The following ENTREP2 variants were observed in gnomAD, a reference collection of about 807,000 sequenced individuals.
ENTREP2 encodes the protein endosomal transmembrane epsin interactor 2.
chr15:29,362,788 G>A, the ENTREP2 span, among the ~76,000 whole-genome samples: 1 of 152,168 alleles, frequency 6.6e-6, no homozygotes, highest in Non-Finnish European at 1.5e-5. Context: ...ACTTCCAAGT[G>A]AAGTGACTTA....
the ENTREP2 span, among the ~76,000 whole-genome samples, chr15:29,633,332 T>C: frequency 6.6e-6 from 1 of 152,204 alleles, no homozygotes; most frequent in Admixed American, 6.5e-5. Context: ...GGAGGAAATA[T>C]TGATTCCAAC....
chr15:29,172,961 T>TA, the ENTREP2 span, among the ~76,000 whole-genome samples: 1 of 152,166 alleles, frequency 6.6e-6, no homozygotes, highest in East Asian at 1.9e-4. Context: ...CCACCAGTGA[T>TA]AAAATCTCCG....
chr15:29,564,807 G>C, the ENTREP2 span, among the ~76,000 whole-genome samples: 1 of 152,158 alleles, frequency 6.6e-6, no homozygotes, highest in Non-Finnish European at 1.5e-5. Context: ...ACCCAGTCCT[G>C]GGAATAAAGG....
chr15:29,131,585 C>CAT, the ENTREP2 span, among the ~76,000 whole-genome samples: 1 of 75,704 alleles, frequency 1.3e-5, no homozygotes, highest in Non-Finnish European at 2.7e-5. Context: ...TTCACCTGCA[C>CAT]CACCTCCCCC....
chr15:29,632,897 G>A, the ENTREP2 span, among the ~76,000 whole-genome samples: 2 of 152,210 alleles, frequency 1.3e-5, no homozygotes, highest in African/African-American at 4.8e-5. Flanking sequence ...CAGTCTTGCA[G>A]GGGGTACAGG....
At chr15:29,224,697 A>G in the ENTREP2 span, among the ~76,000 whole-genome samples, 459 of 152,320 alleles carry the variant, frequency 3.0e-3, 3 homozygotes, top group African/African-American at 0.011. Context: ...AGGTTCTCCA[A>G]GTCCCCACCA....
chr15:29,229,418 A>ATTG, the ENTREP2 span, among the ~76,000 whole-genome samples: 3 of 152,134 alleles, frequency 2.0e-5, no homozygotes, highest in Non-Finnish European at 4.4e-5. Flanking sequence ...ACCTGACATT[A>ATTG]TCTTTGCTCT....
chr15:29,170,022 T>C, the ENTREP2 span, among the ~76,000 whole-genome samples: 1 of 152,084 alleles, frequency 6.6e-6, no homozygotes, highest in Non-Finnish European at 1.5e-5. Context: ...AAAATCAATA[T>C]GCAGGCCGGG....
the ENTREP2 span, among the ~76,000 whole-genome samples, chr15:29,669,859 A>G: frequency 2.0e-5 from 3 of 152,198 alleles, no homozygotes; most frequent in Non-Finnish European, 2.9e-5. Flanking sequence ...TAAATAACGA[A>G]GCATTAGCTG....
the ENTREP2 span, among the ~76,000 whole-genome samples, chr15:29,489,544 T>A: frequency 6.6e-6 from 1 of 152,238 alleles, no homozygotes; most frequent in African/African-American, 2.4e-5. Flanking sequence ...GTCCAAAAAC[T>A]ATTTTAATTG....
chr15:29,496,511 A>C, the ENTREP2 span, among the ~76,000 whole-genome samples: 1 of 152,116 alleles, frequency 6.6e-6, no homozygotes, highest in African/African-American at 2.4e-5. Flanking sequence ...GATTTTAGAG[A>C]AAAAGCTCTC....
chr15:29,635,090 G>A, the ENTREP2 span, among the ~76,000 whole-genome samples: 7 of 152,142 alleles, frequency 4.6e-5, no homozygotes, highest in East Asian at 3.9e-4. Context: ...TGATCTGCCC[G>A]CCTCGGCCTC....
chr15:29,223,379 T>C, the ENTREP2 span, among the ~76,000 whole-genome samples: 1 of 152,118 alleles, frequency 6.6e-6, no homozygotes, highest in Non-Finnish European at 1.5e-5. Flanking sequence ...TTTCTTCCTC[T>C]CTGCAAAGAA....
the ENTREP2 span, among the ~76,000 whole-genome samples, chr15:29,440,966 C>T: frequency 6.6e-6 from 1 of 152,342 alleles, no homozygotes; most frequent in Admixed American, 6.5e-5. Context: ...AATTCCACTT[C>T]TGGGTATATA....
chr15:29,542,953 A>G, the ENTREP2 span, among the ~76,000 whole-genome samples: 2 of 152,158 alleles, frequency 1.3e-5, no homozygotes, highest in East Asian at 3.9e-4. Context: ...GAGAGACCCC[A>G]TTTTATTGAT....
At chr15:29,625,941 C>T in the ENTREP2 span, among the ~76,000 whole-genome samples, 1 of 151,834 alleles carries the variant, frequency 6.6e-6, no homozygotes, top group Admixed American at 6.6e-5. Flanking sequence ...CCGCCTCCCT[C>T]GTTCAAGTGA....
chr15:29,516,317 C>T, the ENTREP2 span, among the ~76,000 whole-genome samples: 2 of 152,056 alleles, frequency 1.3e-5, no homozygotes, highest in Non-Finnish European at 2.9e-5. Flanking sequence ...AAATGGCAAA[C>T]GCTAAGGTTT....
chr15:29,611,445 T>C, the ENTREP2 span, among the ~76,000 whole-genome samples: 4 of 151,996 alleles, frequency 2.6e-5, no homozygotes, highest in Non-Finnish European at 5.9e-5. Flanking sequence ...TGACACAGAT[T>C]TTCCCATCAT....
chr15:29,433,696 G>T, the ENTREP2 span, among the ~76,000 whole-genome samples: 1 of 151,196 alleles, frequency 6.6e-6, no homozygotes, highest in Non-Finnish European at 1.5e-5. Flanking sequence ...AGTAGGGGAA[G>T]CCTCCCCAGA....
Sources: allele counts gnomAD v4.1 joint callset (sites outside exome capture counted in the v4.1 genomes callset), GRCh38; gene constraint gnomAD v4.1.1; transcripts MANE v1.5; gene names NCBI Gene and HGNC (gene_info 2026-07-23, HGNC 2026-07-21).